The following GRAMD1B variants were observed in gnomAD, a reference collection of about 807,000 sequenced individuals.
The protein encoded by GRAMD1B is protein Aster-B.
In GRAMD1B, 37 loss-of-function variants were observed where a neutral mutation model predicts 99.7. The ratio of observed to expected loss-of-function variants is 0.37; its 90% CI spans 0.29 to 0.49. The LOEUF (loss-of-function observed/expected upper bound fraction) is 0.49, where lower values mean the gene tolerates loss of function less well. Among genes scored for constraint, GRAMD1B ranks in the 20% least tolerant of loss-of-function variants. The pLI, the probability that GRAMD1B is intolerant of heterozygous loss-of-function variation, is 0.98. For synonymous variants in GRAMD1B, 427 were observed against 387.6 expected (o/e 1.10, Z -1.19); for missense variants, 888 against 1,009.2 (o/e 0.88, Z 1.63).
chr11:123,487,403 G>A (rs764224019), intron 2 of GRAMD1B, among the ~76,000 whole-genome samples: 2 of 152,152 alleles, frequency 1.3e-5, no homozygotes, highest in African/African-American at 4.8e-5. Context: ...GCATGGAGGC[G>A]GGAGAAAGCA....
At chr11:123,582,000 C>T (rs1184721293) in intron 3 of GRAMD1B, among the ~76,000 whole-genome samples, 1 of 152,242 alleles carries the variant, frequency 6.6e-6, no homozygotes, top group Non-Finnish European at 1.5e-5. Context: ...CAGCGTCTTA[C>T]ACGAAGGTCA....
intron 2 of GRAMD1B, among the ~76,000 whole-genome samples, chr11:123,535,610 A>G (rs774380143): frequency 3.9e-5 from 6 of 152,308 alleles, no homozygotes; most frequent in Admixed American, 6.5e-5. Flanking sequence ...ATAGTGAGCC[A>G]TGGTGGATGT....
At chr11:123,574,187 A>G (rs1948468817) in intron 2 of GRAMD1B, among the ~76,000 whole-genome samples, 2 of 152,238 alleles carry the variant, frequency 1.3e-5, no homozygotes, top group Non-Finnish European at 2.9e-5. Flanking sequence ...GGCAGGAGAA[A>G]GAGCATGTAT....
intron 1 of GRAMD1B, among the ~76,000 whole-genome samples, chr11:123,439,855 A>G (rs1323617882): frequency 6.6e-6 from 1 of 152,100 alleles, no homozygotes; most frequent in Non-Finnish European, 1.5e-5. Flanking sequence ...TCCCTCCACA[A>G]TCTGACCACA....
At chr11:123,535,819 C>G (rs967423787) in intron 2 of GRAMD1B, among the ~76,000 whole-genome samples, 2 of 151,700 alleles carry the variant, frequency 1.3e-5, no homozygotes, top group African/African-American at 2.4e-5. Context: ...TTTTAAAAAT[C>G]TATGGCAATA....
At chr11:123,529,409 A>T (rs1745945108) in intron 2 of GRAMD1B, among the ~76,000 whole-genome samples, 1 of 152,246 alleles carries the variant, frequency 6.6e-6, no homozygotes, top group Non-Finnish European at 1.5e-5. Context: ...GATGACCGTG[A>T]CATATGTCTA....
intron 4 of GRAMD1B, among the ~76,000 whole-genome samples, chr11:123,588,666 T>C (rs933398875): frequency 6.6e-6 from 1 of 152,158 alleles, no homozygotes; most frequent in Non-Finnish European, 1.5e-5. Context: ...GAAGAGAAGT[T>C]TGCACGTGTG....
intron 1 of GRAMD1B, among the ~76,000 whole-genome samples, chr11:123,396,332 A>G (rs535448498): frequency 6.6e-6 from 1 of 150,546 alleles, no homozygotes; most frequent in East Asian, 2.0e-4. Context: ...CTGGAGTGCA[A>G]TGGCACAATC....
intron 2 of GRAMD1B, among the ~76,000 whole-genome samples, chr11:123,535,095 A>G (rs1418166895): frequency 1.3e-5 from 2 of 152,176 alleles, no homozygotes; most frequent in African/African-American, 4.8e-5. Flanking sequence ...AAAAGCCCTC[A>G]GGCTCAGGAC....
chr11:123,504,151 G>A (rs1210418220), intron 2 of GRAMD1B, among the ~76,000 whole-genome samples: 1 of 152,152 alleles, frequency 6.6e-6, no homozygotes, highest in Non-Finnish European at 1.5e-5. Context: ...GCAGCTAAGG[G>A]AGGTGGATTT....
intron 4 of GRAMD1B, among the ~76,000 whole-genome samples, chr11:123,590,501 G>T (rs1010435080): frequency 6.6e-6 from 1 of 152,180 alleles, no homozygotes; most frequent in Non-Finnish European, 1.5e-5. Context: ...CTCAGCTGGG[G>T]GTTACTGGAG....
intron 1 of GRAMD1B, among the ~76,000 whole-genome samples, chr11:123,363,908 G>T (rs775091612): frequency 6.6e-6 from 1 of 152,156 alleles, no homozygotes; most frequent in Non-Finnish European, 1.5e-5. Context: ...GCAATTAAAT[G>T]CATGCCCGTT....
chr11:123,497,792 T>C (rs1939452809), intron 2 of GRAMD1B, among the ~76,000 whole-genome samples: 1 of 150,424 alleles, frequency 6.6e-6, no homozygotes, highest in South Asian at 2.1e-4. Flanking sequence ...TCCCAGCTAC[T>C]CAGGAGGCTG....
At chr11:123,618,654 C>A in intron 17 of GRAMD1B, 39 bp from the exon 18 acceptor site, 2 of 1,141,992 alleles carry the variant, frequency 1.8e-6, no homozygotes, top group Non-Finnish European at 2.6e-6. Flanking sequence ...CAGGTGACAT[C>A]TCACTGCTGA....
At chr11:123,498,695 G>T (rs1031066696) in intron 2 of GRAMD1B, among the ~76,000 whole-genome samples, 1 of 152,098 alleles carries the variant, frequency 6.6e-6, no homozygotes, top group South Asian at 2.1e-4. Context: ...TGAGTGTCCC[G>T]CTGGTTAGAC....
chr11:123,502,674 C>G (rs1464990345), intron 2 of GRAMD1B, among the ~76,000 whole-genome samples: 9 of 150,058 alleles, frequency 6.0e-5, no homozygotes, highest in Non-Finnish European at 1.2e-4. Flanking sequence ...AATCGGGAGG[C>G]TGAGGCACGA....
intron 1 of GRAMD1B, among the ~76,000 whole-genome samples, chr11:123,370,564 T>G (rs956664744): frequency 6.6e-6 from 1 of 151,968 alleles, no homozygotes; most frequent in African/African-American, 2.4e-5. Flanking sequence ...GGTCTCGAAC[T>G]CCTGAGCTCA....
intron 1 of GRAMD1B, among the ~76,000 whole-genome samples, chr11:123,371,267 G>A: frequency 6.6e-6 from 1 of 152,070 alleles, no homozygotes; most frequent in Non-Finnish European, 1.5e-5. Flanking sequence ...TCTTGGATTA[G>A]TTAGTGTGGG....
At chr11:123,484,315 A>C (rs1300285893) in intron 2 of GRAMD1B, among the ~76,000 whole-genome samples, 1 of 152,118 alleles carries the variant, frequency 6.6e-6, no homozygotes, top group Admixed American at 6.6e-5. Flanking sequence ...CATATACCCT[A>C]ATACATTTTC....
Sources: gnomAD v4.1 joint callset for allele counts (sites outside exome capture counted in the v4.1 genomes callset) on GRCh38, gnomAD v4.1.1 for gene constraint, MANE v1.5 for transcripts, NCBI Gene and HGNC (gene_info 2026-07-23, HGNC 2026-07-21) for gene names.